Variants in PHKB observed in about 807,000 individuals in gnomAD.
The protein encoded by PHKB is phosphorylase b kinase regulatory subunit beta.
A neutral mutation model predicts 152.1 loss-of-function variants in PHKB; 122 were observed. The ratio of observed to expected loss-of-function variants is 0.80; its 90% CI spans 0.69 to 0.93. The LOEUF (loss-of-function observed/expected upper bound fraction) is 0.93, where lower values mean the gene tolerates loss of function less well. PHKB is among the 40% of genes least tolerant of loss of function. PHKB has a pLI of 0.00. For missense variants in PHKB, 1,304 were observed against 1,328.4 expected (o/e 0.98, Z 0.29); for synonymous variants, 436 against 464.9 (o/e 0.94, Z 0.80).
intron 12 of PHKB, among the ~76,000 whole-genome samples, 166 bp from the exon 13 acceptor site, chr16:47,596,207 G>C (rs1455574377): frequency 6.6e-6 from 1 of 151,918 alleles, no homozygotes; most frequent in Non-Finnish European, 1.5e-5. Context: ...CTCTTCCTTC[G>C]CCTTCCACCA....
intron 7 of PHKB, chr16:47,566,835 A>T (rs760239280): frequency 1.0e-4 from 75 of 721,186 alleles, no homozygotes; most frequent in Non-Finnish European, 1.6e-4. Context: ...ATCCTCAGCC[A>T]GAGAGTCTGT....
In PHKB at chr16:47,589,128, C is replaced by T. The variant is rs369598724; in HGVS notation, c.1068+26C>T. 6.5e-6 allele frequency: 10 copies of T among 1,531,232 alleles called. No homozygotes were observed. In the African/African-American group the frequency reaches 6.8e-5, roughly 10 times the overall value. 94.9% of individuals were successfully genotyped at this position (1,531,232 alleles called of 1,614,324 possible). On this transcript the variant is annotated intron_variant, in intron 10 of 30. Transcript: ENST00000323584. ...GTATTAAAAAATATTCCATGGTAAT[C>T]GCATATCAGAGCAATCAAAAGCACA...
chr16:47,618,298 T>C (rs1411703485), intron 14 of PHKB, among the ~76,000 whole-genome samples: 1 of 152,244 alleles, frequency 6.6e-6, no homozygotes, highest in East Asian at 1.9e-4. Context: ...TTTTTGTTTA[T>C]TTTAAATCTG....
intron 26 of PHKB, among the ~76,000 whole-genome samples, chr16:47,679,402 G>A (rs1478454024): frequency 1.3e-5 from 2 of 152,296 alleles, no homozygotes; most frequent in East Asian, 3.9e-4. Context: ...CTACTCATGA[G>A]CATGGAATGT....
chr16:47,476,095 C>T (rs1376719591), intron 1 of PHKB, among the ~76,000 whole-genome samples: 1 of 151,742 alleles, frequency 6.6e-6, no homozygotes, highest in Non-Finnish European at 1.5e-5. Context: ...GTCTCAAGCT[C>T]CTGTCCTCAA....
At chr16:47,661,270 A>T (rs1257673144) in intron 22 of PHKB, among the ~76,000 whole-genome samples, 1 of 152,084 alleles carries the variant, frequency 6.6e-6, no homozygotes, top group Non-Finnish European at 1.5e-5. Context: ...AACACTCTAA[A>T]CAAGTCCCCT....
chr16:47,670,173 A>G (rs538897593), intron 26 of PHKB, among the ~76,000 whole-genome samples: 5 of 152,354 alleles, frequency 3.3e-5, no homozygotes, highest in African/African-American at 7.2e-5. Flanking sequence ...TTTTTATTGT[A>G]CAAGTATCGT....
intron 26 of PHKB, among the ~76,000 whole-genome samples, chr16:47,672,344 T>C (rs1376760852): frequency 1.3e-5 from 2 of 152,176 alleles, no homozygotes; most frequent in Admixed American, 6.5e-5. Flanking sequence ...AACTCCAACC[T>C]CTTGACTCCA....
intron 7 of PHKB, among the ~76,000 whole-genome samples, chr16:47,554,809 G>A (rs1286946220): frequency 6.6e-6 from 1 of 152,080 alleles, no homozygotes; most frequent in Non-Finnish European, 1.5e-5. Context: ...GAGAGGCGAC[G>A]CCCCACCCTG....
intron 1 of PHKB, among the ~76,000 whole-genome samples, chr16:47,464,414 G>A (rs535916059): frequency 5.3e-5 from 8 of 152,292 alleles, no homozygotes; most frequent in East Asian, 1.9e-4. Flanking sequence ...TAATATACAC[G>A]TTTTCACAGA....
chr16:47,542,234 T>G (rs1971073068), intron 6 of PHKB, among the ~76,000 whole-genome samples: 1 of 152,180 alleles, frequency 6.6e-6, no homozygotes, highest in Non-Finnish European at 1.5e-5. Flanking sequence ...CTAGCCAGTT[T>G]TCCTAGTACC....
chr16:47,624,190 A>G (rs964031036), intron 14 of PHKB, among the ~76,000 whole-genome samples: 1 of 152,198 alleles, frequency 6.6e-6, no homozygotes, highest in African/African-American at 2.4e-5. Context: ...ATTTAAAAAC[A>G]TCTTTTATGG....
intron 7 of PHKB, among the ~76,000 whole-genome samples, chr16:47,557,540 A>G (rs1413649864): frequency 1.3e-5 from 2 of 152,230 alleles, no homozygotes; most frequent in African/African-American, 2.4e-5. Flanking sequence ...TTGACAAGAA[A>G]AAAACAAACA....
intron 27 of PHKB, 123 bp downstream of exon 27, chr16:47,689,298 G>A (rs986424164): frequency 6.7e-6 from 6 of 895,074 alleles, no homozygotes; most frequent in Non-Finnish European, 1.1e-5. Flanking sequence ...GAGTGTCAGA[G>A]GCCACCCCAC....
intron 1 of PHKB, among the ~76,000 whole-genome samples, chr16:47,490,905 G>A (rs192601878): frequency 2.0e-5 from 3 of 152,076 alleles, no homozygotes; most frequent in Non-Finnish European, 2.9e-5. Context: ...TCATTTCCAC[G>A]ATCCTTCTGC....
rs373696449 is a variant in PHKB, at chr16:47,489,149, C to T, written c.77-8250C>T. Among the ~76,000 whole-genome samples, 5 of 152,212 alleles carry T rather than the reference C, an allele frequency of 3.3e-5. No homozygotes were observed. In the South Asian group the frequency reaches 8.3e-4, roughly 25 times the overall value. ...ACTCACTGTGACCACCTCCCAAGTTCAAGTGATTCTCCCTGCCTCAGCCTC... is the reference window on the plus strand; with the variant it reads ...ACTCACTGTGACCACCTCCCAAGTTTAAGTGATTCTCCCTGCCTCAGCCTC... On this transcript the variant is annotated intron_variant, in intron 1 of 30. Coordinates refer to ENST00000323584, the MANE Select transcript of PHKB (RefSeq NM_000293.3).
chr16:47,677,367 A>G (rs2142087786), intron 26 of PHKB, among the ~76,000 whole-genome samples: 1 of 152,356 alleles, frequency 6.6e-6, no homozygotes, highest in Non-Finnish European at 1.5e-5. Context: ...ATCGTCTGTC[A>G]TTTGGTGTAT....
At chr16:47,678,092 C>A (rs1973769704) in intron 26 of PHKB, among the ~76,000 whole-genome samples, 1 of 152,120 alleles carries the variant, frequency 6.6e-6, no homozygotes. Flanking sequence ...CTACAAAGGA[C>A]CTGAACTCAT....
intron 8 of PHKB, among the ~76,000 whole-genome samples, chr16:47,581,423 A>G (rs1323204143): frequency 6.6e-6 from 1 of 152,172 alleles, no homozygotes; most frequent in East Asian, 1.9e-4. Context: ...ATAGACAGAC[A>G]GGAGTAGGAG....
Sources: gnomAD v4.1 joint callset for allele counts (sites outside exome capture counted in the v4.1 genomes callset) on GRCh38, gnomAD v4.1.1 for gene constraint, MANE v1.5 for transcripts, NCBI Gene and HGNC (gene_info 2026-07-23, HGNC 2026-07-21) for gene names.